Variants in EFCAB13 observed in about 807,000 individuals in gnomAD.
EFCAB13 encodes the protein EF-hand calcium binding domain 13.
A neutral mutation model predicts 110.2 loss-of-function variants in EFCAB13; 91 were observed. The observed-to-expected ratio is 0.83, with a 90% CI of 0.70 to 0.98. The LOEUF (loss-of-function observed/expected upper bound fraction) is 0.98, where lower values mean the gene tolerates loss of function less well. EFCAB13 is among the 50% of genes least tolerant of loss of function. The pLI is 0.00. For missense variants in EFCAB13, 968 were observed against 1,119.4 expected (o/e 0.86, Z 1.93); for synonymous variants, 323 against 369.9 (o/e 0.87, Z 1.45).
intron 4 of EFCAB13, chr17:47,329,800 C>CTAT (rs988396837): frequency 2.0e-5 from 3 of 152,016 alleles, no homozygotes; most frequent in Admixed American, 1.3e-4. Context: ...CCTCAGCTTT[C>CTAT]TATTTTGGGT....
chr17:47,327,858 C>CT (rs2065296176), intron 3 of EFCAB13, among the ~76,000 whole-genome samples: 1 of 152,204 alleles, frequency 6.6e-6, no homozygotes, highest in Non-Finnish European at 1.5e-5. Flanking sequence ...AATTCTGTCT[C>CT]TACTATTTGC....
At position 47,431,744 on chromosome 17, in the gene EFCAB13, T is replaced by G. The variant is rs77786002; in HGVS notation, c.2638+1783T>G. 4.2e-3 allele frequency among the ~76,000 whole-genome samples: 643 copies of G among 152,240 alleles called. 17 individuals are homozygous for G. In the East Asian group the frequency reaches 0.064, roughly 15 times the overall value. ...GAAGAATATATAGTCTGCAGTTGGGTTGGGTGAGAGTGTTCTATATATTAG... is the reference window on the plus strand; with the variant it reads ...GAAGAATATATAGTCTGCAGTTGGGGTGGGTGAGAGTGTTCTATATATTAG... On this transcript the variant is annotated intron_variant, in intron 24 of 24. Coordinates refer to ENST00000331493, the MANE Select transcript of EFCAB13 (RefSeq NM_152347.5). The surrounding 1 kb of genome is among the most constrained non-coding windows in gnomAD (Gnocchi z 4.1).
chr17:47,440,780 T>G lies in EFCAB13; in HGVS notation c.*66T>G, dbSNP rs973198157. On this transcript the variant is annotated 3_prime_UTR_variant, in exon 25 of 25. Transcript: ENST00000331493. Reference sequence around the variant, plus strand: ...TATTATTCAGTATGCATATTTGACTTCTGAAATTATTAGAAAATAATTTTT... The same window carrying G: ...TATTATTCAGTATGCATATTTGACTGCTGAAATTATTAGAAAATAATTTTT... 7.9e-7 allele frequency: 1 copy of G among 1,268,144 alleles called. No homozygotes were observed. Among genetic ancestry groups the G allele is most frequent in the Non-Finnish European group, 1.1e-6 (1 of 944,228 alleles). The allele number at this position is 1,268,144 out of a possible 1,614,324, so 78.6% of individuals were successfully genotyped here.
chr17:47,401,936 G>A (rs527976541), intron 17 of EFCAB13, among the ~76,000 whole-genome samples, 196 bp from the exon 18 acceptor site: 7 of 152,002 alleles, frequency 4.6e-5, no homozygotes, highest in South Asian at 2.1e-4. Context: ...GAGCCACCAC[G>A]CCCAGCCATC....
chr17:47,347,809 A>G lies in EFCAB13; in HGVS notation c.519A>G (p.Ala173=), dbSNP rs779288324. 2 of 1,478,944 alleles carry G rather than the reference A, an allele frequency of 1.4e-6. No individual in the cohort carries two copies. The highest frequency in any genetic ancestry group is 1.8e-6 in the Non-Finnish European group (2 of 1,097,670). The allele number at this position is 1,478,944 out of a possible 1,614,324, so 91.6% of individuals were successfully genotyped here. ...HGYLHSKELS[A]LHKACKIFSK... Reference sequence around the variant, plus strand: ...AAATGTTTTGTTATGTGTGTGCAGCACTTCATAAAGCCTGTAAAATTTTTA... The same window carrying G: ...AAATGTTTTGTTATGTGTGTGCAGCGCTTCATAAAGCCTGTAAAATTTTTA... The change falls in exon 9 of 25, where the codon GCA becomes GCG. Residue 173 remains alanine (A), a splice_region_variant and synonymous_variant. Coordinates refer to ENST00000331493, the MANE Select transcript of EFCAB13 (RefSeq NM_152347.5).
chr17:47,339,208 G>A (rs2065369584), intron 5 of EFCAB13, among the ~76,000 whole-genome samples: 1 of 152,078 alleles, frequency 6.6e-6, no homozygotes, highest in Admixed American at 6.6e-5. Flanking sequence ...CACTTTCTAA[G>A]AGTATGTGTC....
intron 8 of EFCAB13, among the ~76,000 whole-genome samples, chr17:47,345,592 T>G (rs951373246): frequency 6.6e-6 from 1 of 152,178 alleles, no homozygotes; most frequent in African/African-American, 2.4e-5. Flanking sequence ...AATGGGTGAC[T>G]CATACTTCTG....
In EFCAB13 at chr17:47,390,139, A is replaced by C. The variant is rs535322652; in HGVS notation, c.1583-1298A>C. Among the ~76,000 whole-genome samples the C allele has an allele frequency of 8.5e-5, 13 of 152,244 alleles. No individual in the cohort carries two copies. In the East Asian group the frequency reaches 2.5e-3, roughly 29 times the overall value. ...CCTAGCTTCCTACTTTACCTATCCTAATCAATTAGAGAAAACCTATTTAAT... is the reference window on the plus strand; with the variant it reads ...CCTAGCTTCCTACTTTACCTATCCTCATCAATTAGAGAAAACCTATTTAAT... On this transcript the variant is annotated intron_variant, in intron 14 of 24. Transcript: ENST00000331493.
intron 10 of EFCAB13, among the ~76,000 whole-genome samples, chr17:47,366,875 A>T (rs756752010): frequency 1.3e-4 from 20 of 152,238 alleles, no homozygotes; most frequent in Non-Finnish European, 2.2e-4. Context: ...TTATTAGTTG[A>T]CATTGGACTT....
At chr17:47,415,670 T>G (rs766796704) in intron 23 of EFCAB13, among the ~76,000 whole-genome samples, 18 of 152,334 alleles carry the variant, frequency 1.2e-4, no homozygotes, top group Middle Eastern at 3.4e-3. Context: ...CCAGTTTTTG[T>G]GACATCTTAA....
At chr17:47,407,744 TTTTGTTTTTTG>T (rs1403130183) in intron 20 of EFCAB13, among the ~76,000 whole-genome samples, 26 of 152,332 alleles carry the variant, frequency 1.7e-4, no homozygotes, top group South Asian at 6.2e-4. Context: ...TTATTTAGTT[TTTTGTTTTTTG>T]TTTGTTTTTT....
chr17:47,336,744 A>G (rs2065353750), intron 5 of EFCAB13, among the ~76,000 whole-genome samples: 1 of 151,924 alleles, frequency 6.6e-6, no homozygotes, highest in African/African-American at 2.4e-5. Context: ...CGACCAAGCT[A>G]TTTGAATCTT....
intron 9 of EFCAB13, among the ~76,000 whole-genome samples, chr17:47,359,575 A>C (rs1598732275): frequency 6.7e-6 from 1 of 150,048 alleles, no homozygotes; most frequent in East Asian, 2.0e-4. Flanking sequence ...GAGGATATAA[A>C]TTTAGCAGTT....
Position 47,377,906 on chromosome 17 carries a change from G to T in EFCAB13, c.1510+3G>T. ...TGTGACAGACACTAGTAGAAATGGT[G>T]AGAGACTGATAACACTGAAGTTTCT... is the stretch of plus-strand genomic sequence containing the variant. On this transcript the variant is annotated splice_donor_region_variant and intron_variant, in intron 13 of 24. Transcript: ENST00000331493. 6.3e-7 allele frequency: 1 copy of T among 1,578,132 alleles called. No homozygotes were observed. The highest frequency in any genetic ancestry group is 1.2e-5 in the South Asian group (1 of 83,178).
At chr17:47,437,262 C>A (rs1170865676) in intron 24 of EFCAB13, among the ~76,000 whole-genome samples, 1 of 152,188 alleles carries the variant, frequency 6.6e-6, no homozygotes, top group East Asian at 1.9e-4. Flanking sequence ...GTTCTGCATA[C>A]ATCTGTTAAG....
intron 11 of EFCAB13, among the ~76,000 whole-genome samples, chr17:47,372,271 A>T (rs2065589266): frequency 6.6e-6 from 1 of 151,882 alleles, no homozygotes; most frequent in Non-Finnish European, 1.5e-5. Flanking sequence ...GGCTACTCTG[A>T]AGCTTACAAA....
intron 21 of EFCAB13, among the ~76,000 whole-genome samples, chr17:47,410,427 C>T (rs987665539): frequency 3.3e-5 from 5 of 152,206 alleles, no homozygotes; most frequent in African/African-American, 1.2e-4. Flanking sequence ...AGCACATAAA[C>T]TTTGGGGGAC....
intron 6 of EFCAB13, among the ~76,000 whole-genome samples, chr17:47,343,872 G>A (rs2065399769): frequency 1.3e-5 from 2 of 151,942 alleles, no homozygotes; most frequent in Non-Finnish European, 2.9e-5. Flanking sequence ...CTATACCATA[G>A]GTTTTCCCTG....
At chr17:47,391,729 A>G in intron 15 of EFCAB13, 149 bp downstream of exon 15, 1 of 637,148 alleles carries the variant, frequency 1.6e-6, no homozygotes, top group Non-Finnish European at 2.4e-6. Context: ...TCAAAAGTAC[A>G]AGAAAACACT....
Sources: gnomAD v4.1 joint callset for allele counts (sites outside exome capture counted in the v4.1 genomes callset) on GRCh38, gnomAD v4.1.1 for gene constraint, Gnocchi (gnomAD v3.1) non-coding constraint, MANE v1.5 for transcripts, NCBI Gene and HGNC (gene_info 2026-07-23, HGNC 2026-07-21) for gene names.